TRAPPC9: variants seen among roughly 807,000 people sequenced by gnomAD.
TRAPPC9 encodes the protein IKK2 binding protein.
A neutral mutation model predicts 124.0 loss-of-function variants in TRAPPC9; 83 were observed. The observed-to-expected ratio is 0.67, with a 90% CI of 0.56 to 0.80. TRAPPC9 has a LOEUF of 0.80. TRAPPC9 is among the 30% of genes least tolerant of loss of function. TRAPPC9 has a pLI of 0.00. For missense variants in TRAPPC9, 1,302 were observed against 1,508.3 expected (o/e 0.86, Z 2.27); for synonymous variants, 638 against 617.5 (o/e 1.03, Z -0.49).
chr8:140,371,868 A>T (rs2132244830), intron 7 of TRAPPC9, among the ~76,000 whole-genome samples: 1 of 152,182 alleles, frequency 6.6e-6, no homozygotes, highest in South Asian at 2.1e-4. Flanking sequence ...CATGCTGGCT[A>T]ATTTTTGTAC....
intron 21 of TRAPPC9, among the ~76,000 whole-genome samples, chr8:139,863,678 C>T (rs754543341): frequency 6.6e-6 from 1 of 152,244 alleles, no homozygotes; most frequent in South Asian, 2.1e-4. Context: ...CATCCAGAAT[C>T]GCTGTTCCCG....
At position 140,051,867 on chromosome 8, in the gene TRAPPC9, G is replaced by C. The variant is rs572325740; in HGVS notation, c.2557-27788C>G. 2.6e-5 allele frequency among the ~76,000 whole-genome samples: 4 copies of C among 152,242 alleles called. No homozygotes were observed. The South Asian group carries it at 8.3e-4, about 32-fold the overall frequency. The stretch of plus-strand genomic sequence containing the variant: ...GTGATTCAGTAGTTTTCACTCTCCT[G>C]TAAGATCACAGCAGGAGTTTAACTG... On this transcript the variant is annotated intron_variant, in intron 17 of 22. Coordinates refer to ENST00000438773, the MANE Select transcript of TRAPPC9 (RefSeq NM_001160372.4).
chr8:140,374,277 A>C (rs1252910194), intron 7 of TRAPPC9, among the ~76,000 whole-genome samples: 1 of 152,098 alleles, frequency 6.6e-6, no homozygotes, highest in African/African-American at 2.4e-5. Context: ...TGTAAAGAGG[A>C]GGCAGGGGTT....
At chr8:140,108,904 C>T (rs901386558) in intron 17 of TRAPPC9, among the ~76,000 whole-genome samples, 1 of 152,142 alleles carries the variant, frequency 6.6e-6, no homozygotes, top group Non-Finnish European at 1.5e-5. Context: ...AGATTGAAAA[C>T]CACTATCCAG....
chr8:140,385,986 A>C (rs1334359116), intron 7 of TRAPPC9, among the ~76,000 whole-genome samples: 2 of 152,254 alleles, frequency 1.3e-5, no homozygotes, highest in Non-Finnish European at 2.9e-5. Flanking sequence ...AGTGGGCTTC[A>C]TCCCTGGGAT....
chr8:140,093,646 C>T (rs577606197), intron 17 of TRAPPC9, among the ~76,000 whole-genome samples: 9 of 143,764 alleles, frequency 6.3e-5, no homozygotes, highest in African/African-American at 2.1e-4. Flanking sequence ...CCAGCCTGGG[C>T]GAGAGAGCAC....
chr8:139,886,446 CA>C (rs1198168735), intron 20 of TRAPPC9, among the ~76,000 whole-genome samples: 2 of 152,162 alleles, frequency 1.3e-5, no homozygotes, highest in Non-Finnish European at 2.9e-5. Context: ...TAAGCAAGCT[CA>C]TAATCGAGGA....
At position 139,772,990 on chromosome 8, in the gene TRAPPC9, C is replaced by T. The variant is rs12677888; in HGVS notation, c.3056-40788G>A. Among the ~76,000 whole-genome samples the T allele has an allele frequency of 2.6e-5, 4 of 152,354 alleles. No individual in the cohort carries two copies. The East Asian group carries it at 7.7e-4, about 29-fold the overall frequency. On this transcript the variant is annotated intron_variant, in intron 21 of 22. Transcript: ENST00000438773. ...GAGCAGCTTCATGAAGCAGGTGAGG[C>T]TGGAGGCTGAGGTCACTGTGTTCCT...
At chr8:140,376,331 C>A (rs1215467720) in intron 7 of TRAPPC9, among the ~76,000 whole-genome samples, 1 of 151,790 alleles carries the variant, frequency 6.6e-6, no homozygotes, top group Non-Finnish European at 1.5e-5. Context: ...ATGAGGTGGG[C>A]AGATCACAAG....
At chr8:140,172,037 C>T (rs979683838) in intron 17 of TRAPPC9, among the ~76,000 whole-genome samples, 5 of 152,174 alleles carry the variant, frequency 3.3e-5, no homozygotes, top group African/African-American at 1.2e-4. Context: ...TATCTGAAGG[C>T]TAAGCAAATA....
At position 139,977,801 on chromosome 8, in the gene TRAPPC9, C is replaced by T. The variant is rs193003491; in HGVS notation, c.2810+10925G>A. 3.7e-3 allele frequency among the ~76,000 whole-genome samples: 555 copies of T among 151,736 alleles called. 2 individuals are homozygous for T. Among genetic ancestry groups the T allele is most frequent in the Non-Finnish European group, 6.4e-3 (436 of 67,914 alleles). On this transcript the variant is annotated intron_variant, in intron 19 of 22. Transcript: ENST00000438773. ...GTTCAAGCAATTCCCCTGCCTTAGC[C>T]TCCCGAATAGCTGAGATTACAGGTG...
At chr8:139,900,312 T>C (rs1259091783) in intron 20 of TRAPPC9, among the ~76,000 whole-genome samples, 1 of 152,162 alleles carries the variant, frequency 6.6e-6, no homozygotes, top group African/African-American at 2.4e-5. Context: ...AACACCCCCA[T>C]CTTCTAGAGC....
intron 21 of TRAPPC9, among the ~76,000 whole-genome samples, chr8:139,787,590 C>T (rs564316637): frequency 1.3e-5 from 2 of 152,316 alleles, no homozygotes; most frequent in East Asian, 3.9e-4. Context: ...GTAAATGAAC[C>T]AAGCTAAGGA....
In TRAPPC9 at chr8:140,403,244, C is replaced by A. The variant is rs536052466; in HGVS notation, c.1008+2333G>T. Among the ~76,000 whole-genome samples, 26 of 152,234 alleles carry A rather than the reference C, an allele frequency of 1.7e-4. 1 individual carries two copies. The South Asian group carries it at 5.4e-3, about 32-fold the overall frequency. ...AGGAGTTCGAGACCAGCCTGGCCAA[C>A]ATGGTGAAGCTCTGTGTCTACTAAA... On this transcript the variant is annotated intron_variant, in intron 6 of 22. Transcript: ENST00000438773.
intron 21 of TRAPPC9, among the ~76,000 whole-genome samples, chr8:139,870,794 C>T (rs576192013): frequency 1.6e-4 from 24 of 152,314 alleles, no homozygotes; most frequent in African/African-American, 5.8e-4. Flanking sequence ...CTTGTACATC[C>T]TTTCTTACCT....
chr8:140,324,774 A>C (rs2066694527), intron 9 of TRAPPC9, among the ~76,000 whole-genome samples: 1 of 152,212 alleles, frequency 6.6e-6, no homozygotes, highest in Admixed American at 6.5e-5. Flanking sequence ...TGTCTCAAAA[A>C]TAAATAAGTG....
At chr8:140,214,465 C>G (rs921543022) in intron 17 of TRAPPC9, among the ~76,000 whole-genome samples, 5 of 152,206 alleles carry the variant, frequency 3.3e-5, no homozygotes, top group Non-Finnish European at 5.9e-5. Context: ...TGTGACTGAC[C>G]TGGACTCACT....
At position 140,450,879 on chromosome 8, in the gene TRAPPC9, G is replaced by C. The variant is rs886062729; in HGVS notation, c.495C>G (p.Asp165Glu). The part of the protein sequence containing the change: ...LFIVLESKRL[D>E]RATDKSGDKI... ...TATCCCCAGACTTGTCTGTGGCTCT[G>C]TCCAGACGCTTGGACTCCAGCACGA... is the stretch of plus-strand genomic sequence containing the variant. The change falls in exon 2 of 23, where the codon GAC (aspartate) becomes GAG (glutamate). Residue 165 changes from aspartate to glutamate, a missense_variant. Physicochemically the swap from Asp to Glu is conservative, Grantham distance 45. Transcript: ENST00000438773. 6.2e-7 allele frequency: 1 copy of C among 1,614,062 alleles called. No homozygotes were observed.
chr8:140,178,366 T>A (rs1304619332), intron 17 of TRAPPC9, among the ~76,000 whole-genome samples: 1 of 152,180 alleles, frequency 6.6e-6, no homozygotes, highest in East Asian at 1.9e-4. Flanking sequence ...TCATGGTTTT[T>A]ATTCTCCTTC....
Sources: gnomAD v4.1 joint callset for allele counts (sites outside exome capture counted in the v4.1 genomes callset) on GRCh38, gnomAD v4.1.1 for gene constraint, MANE v1.5 for transcripts, NCBI Gene and HGNC (gene_info 2026-07-23, HGNC 2026-07-21) for gene names.